GPHN: variants seen among roughly 807,000 people sequenced by gnomAD.
GPHN encodes gephyrin.
Under a neutral mutation model 95.5 loss-of-function variants are expected in GPHN, and 17 were observed. The observed-to-expected ratio is 0.18, with a 90% CI of 0.12 to 0.27. GPHN has a LOEUF of 0.27. Among genes scored for constraint, GPHN ranks in the 10% least tolerant of loss-of-function variants. The pLI is 1.00. For synonymous variants in GPHN, 320 were observed against 322.5 expected, an observed-to-expected ratio of 0.99 and a Z score of 0.08; for missense variants, 660 against 978.1, an observed-to-expected ratio of 0.67 and a Z score of 4.34.
chr14:67,434,144 T>C, the GPHN span, among the ~76,000 whole-genome samples: 1 of 152,134 alleles, frequency 6.6e-6, no homozygotes, highest in Non-Finnish European at 1.5e-5. Flanking sequence ...TCAAAGGAAA[T>C]GAGCAGAGAG....
rs561869320 is a variant in GPHN, at chr14:67,146,878, A to G, written c.1836+3429A>G. Among the ~76,000 whole-genome samples, 31 of 152,248 alleles carry G rather than the reference A, an allele frequency of 2.0e-4. No homozygotes were observed. In the South Asian group the frequency reaches 6.2e-3, roughly 31 times the overall value. ...GCAAAACCCCACCTCTACTAAAAAT[A>G]AAAAATTAGCTGGGCATAGTGACAC... On this transcript the variant is annotated intron_variant, in intron 18 of 22. Coordinates refer to ENST00000478722, the MANE Select transcript of GPHN (RefSeq NM_020806.5).
At chr14:67,393,966 A>T in the GPHN span, among the ~76,000 whole-genome samples, 1 of 152,162 alleles carries the variant, frequency 6.6e-6, no homozygotes, top group Admixed American at 6.5e-5. Flanking sequence ...GCCAGCAGGG[A>T]CATCACTTCT....
chr14:67,187,885 C>CT, the GPHN span, among the ~76,000 whole-genome samples: 1 of 152,176 alleles, frequency 6.6e-6, no homozygotes, highest in Non-Finnish European at 1.5e-5. Flanking sequence ...TGTCACCCCT[C>CT]TATCTTATCA....
chr14:66,570,023 G>A (rs548210985), intron 1 of GPHN, among the ~76,000 whole-genome samples: 103 of 146,814 alleles, frequency 7.0e-4, no homozygotes, highest in Non-Finnish European at 1.2e-3. Context: ...GATTTCCCAT[G>A]AGTGAAATAA....
intron 2 of GPHN, among the ~76,000 whole-genome samples, chr14:66,768,173 G>A (rs537389491): frequency 5.3e-5 from 8 of 151,926 alleles, no homozygotes; most frequent in South Asian, 2.1e-4. Context: ...TAACCAACTA[G>A]TATACAGAGT....
chr14:67,096,646 C>T (rs1332058747), intron 12 of GPHN, among the ~76,000 whole-genome samples: 7 of 142,244 alleles, frequency 4.9e-5, no homozygotes, highest in African/African-American at 1.8e-4. Context: ...GACAGGATCT[C>T]GCTATGTTGC....
chr14:67,323,348 C>T, the GPHN span, among the ~76,000 whole-genome samples: 1 of 151,510 alleles, frequency 6.6e-6, no homozygotes, highest in East Asian at 1.9e-4. Flanking sequence ...TGCAGTGGCT[C>T]ATGCCTGTAA....
the GPHN span, among the ~76,000 whole-genome samples, chr14:67,452,243 A>G: frequency 6.6e-6 from 1 of 151,688 alleles, no homozygotes; most frequent in Non-Finnish European, 1.5e-5. Flanking sequence ...GAATCATTTG[A>G]ACCCGGAAGG....
At chr14:66,961,496 A>G (rs181603906) in intron 8 of GPHN, among the ~76,000 whole-genome samples, 1 of 152,058 alleles carries the variant, frequency 6.6e-6, no homozygotes, top group African/African-American at 2.4e-5. Flanking sequence ...GTAGGAATAG[A>G]TATTCACACT....
At chr14:67,413,159 A>T in the GPHN span, among the ~76,000 whole-genome samples, 7 of 152,376 alleles carry the variant, frequency 4.6e-5, no homozygotes, top group East Asian at 1.4e-3. Context: ...GATAGGATCA[A>T]CAACAATGTT....
chr14:66,645,124 T>C (rs2064661421), intron 1 of GPHN, among the ~76,000 whole-genome samples: 1 of 152,170 alleles, frequency 6.6e-6, no homozygotes, highest in African/African-American at 2.4e-5. Flanking sequence ...ATTGCACTTG[T>C]AATTTTTAAT....
At chr14:67,583,699 C>T in the GPHN span, 15 of 1,553,824 alleles carry the variant, frequency 9.7e-6, no homozygotes, top group Non-Finnish European at 1.3e-5. Context: ...GGCCCATCCA[C>T]TGTCAGATTT....
chr14:67,308,219 C>T, the GPHN span, among the ~76,000 whole-genome samples: 1 of 144,996 alleles, frequency 6.9e-6, no homozygotes, highest in African/African-American at 2.7e-5. Flanking sequence ...AGTTGGATCC[C>T]TGAACTTAAC....
chr14:67,733,750 T>C, the GPHN span: 1 of 1,611,776 alleles, frequency 6.2e-7, no homozygotes, highest in Non-Finnish European at 8.5e-7. Flanking sequence ...CTCCAGTGAC[T>C]GCAAGAGGAC....
chr14:67,503,724 GACAGAGTC>G, the GPHN span, among the ~76,000 whole-genome samples: 1 of 151,616 alleles, frequency 6.6e-6, no homozygotes, highest in Non-Finnish European at 1.5e-5. Context: ...TTATTTTTGA[GACAGAGTC>G]TAGCTCTGTC....
At chr14:67,713,737 G>T in the GPHN span, among the ~76,000 whole-genome samples, 1 of 152,214 alleles carries the variant, frequency 6.6e-6, no homozygotes, top group Non-Finnish European at 1.5e-5. Flanking sequence ...CTGACGACAT[G>T]TGTCCAGGAT....
At chr14:66,783,066 GC>G (rs2059661937) in intron 3 of GPHN, among the ~76,000 whole-genome samples, 1 of 152,116 alleles carries the variant, frequency 6.6e-6, no homozygotes, top group Non-Finnish European at 1.5e-5. Context: ...CCCTACAAAA[GC>G]CTGTTTGTCT....
chr14:66,997,350 G>A (rs1250923023), intron 9 of GPHN, among the ~76,000 whole-genome samples: 6 of 139,410 alleles, frequency 4.3e-5, no homozygotes, highest in South Asian at 2.4e-4. Context: ...CTGGGCGATA[G>A]AGTGAGACTT....
rs114211183 is a variant in GPHN, at chr14:66,641,141, G to A, written c.65-39966G>A. Among the ~76,000 whole-genome samples, 456 of 152,246 alleles carry A rather than the reference G, an allele frequency of 3.0e-3. 3 individuals are homozygous for A. Among genetic ancestry groups the A allele is most frequent in the African/African-American group, 0.011 (438 of 41,552 alleles). On this transcript the variant is annotated intron_variant, in intron 1 of 22. Transcript: ENST00000478722. ...TATAAGATAAAGACTAAATATAGGT[G>A]GTCCATAACGTATGATGGTTCAACT...
Sources: allele counts gnomAD v4.1 joint callset (sites outside exome capture counted in the v4.1 genomes callset), GRCh38; gene constraint gnomAD v4.1.1; transcripts MANE v1.5; gene names NCBI Gene and HGNC (gene_info 2026-07-23, HGNC 2026-07-21).